The following CENPH variants were observed in gnomAD, a reference collection of about 807,000 sequenced individuals.
CENPH encodes CENP-H.
In CENPH, 40 loss-of-function variants were observed where a neutral mutation model predicts 42.9. The observed-to-expected ratio is 0.93, with a 90% CI of 0.72 to 1.21. The LOEUF is 1.21. Among genes scored for constraint, CENPH ranks in the 50% most tolerant of loss-of-function variants. CENPH has a pLI of 0.00. For synonymous variants in CENPH, 88 were observed against 96.5 expected, an observed-to-expected ratio of 0.91 and a Z score of 0.52; for missense variants, 302 against 292.9, an observed-to-expected ratio of 1.03 and a Z score of -0.23.
chr5:69,209,640 G>T (rs760817855), intron 8 of CENPH, 67 bp from the exon 9 acceptor site: 6 of 710,934 alleles, frequency 8.4e-6, no homozygotes, highest in Non-Finnish European at 1.2e-5. Flanking sequence ...CATGAAAAAT[G>T]ATATTCTAAA....
At chr5:69,202,738 A>T (rs906212328) in intron 6 of CENPH, among the ~76,000 whole-genome samples, 169 bp downstream of exon 6, 1 of 152,136 alleles carries the variant, frequency 6.6e-6, no homozygotes, top group South Asian at 2.1e-4. Context: ...TTTCTGACTA[A>T]TGTTGAACAT....
At chr5:69,205,286 G>A (rs1748133761) in intron 7 of CENPH, among the ~76,000 whole-genome samples, 1 of 151,978 alleles carries the variant, frequency 6.6e-6, no homozygotes, top group Non-Finnish European at 1.5e-5. Context: ...GGAGTGCAGT[G>A]GCGCGATCTT....
At chr5:69,203,370 T>C (rs529314663) in intron 7 of CENPH, among the ~76,000 whole-genome samples, 2 of 138,120 alleles carry the variant, frequency 1.4e-5, no homozygotes, top group African/African-American at 4.9e-5. Flanking sequence ...TTTTTTAATA[T>C]GGTATTTTTT....
intron 7 of CENPH, among the ~76,000 whole-genome samples, chr5:69,203,194 G>A (rs904726677): frequency 1.3e-5 from 2 of 152,128 alleles, no homozygotes; most frequent in African/African-American, 2.4e-5. Flanking sequence ...TTCTGAGACA[G>A]TCTTGCTCTA....
intron 5 of CENPH, among the ~76,000 whole-genome samples, chr5:69,201,683 A>T (rs1458379042): frequency 6.6e-6 from 1 of 152,044 alleles, no homozygotes; most frequent in Non-Finnish European, 1.5e-5. Context: ...ACATAGGGAG[A>T]CCCCGTCTCT....
intron 3 of CENPH, 96 bp downstream of exon 3, chr5:69,194,791 G>A: frequency 2.6e-6 from 2 of 754,852 alleles, no homozygotes; most frequent in South Asian, 3.8e-5. Flanking sequence ...CTATCATGCA[G>A]GCTAGAGTGC....
intron 2 of CENPH, among the ~76,000 whole-genome samples, chr5:69,193,236 G>A (rs1747908434): frequency 6.6e-6 from 1 of 151,544 alleles, no homozygotes; most frequent in Admixed American, 6.6e-5. Context: ...AGACTTTATT[G>A]GTTAAAGGAT....
At chr5:69,203,073 C>T in intron 7 of CENPH, 103 bp downstream of exon 7, 1 of 774,586 alleles carries the variant, frequency 1.3e-6, no homozygotes, top group South Asian at 1.7e-5. Flanking sequence ...TTTCCGACTT[C>T]CAAAATTCCT....
chr5:69,198,526 C>T (rs560751694), intron 5 of CENPH, among the ~76,000 whole-genome samples: 10 of 152,138 alleles, frequency 6.6e-5, no homozygotes, highest in Non-Finnish European at 1.5e-4. Flanking sequence ...GCACTTCTAT[C>T]TTGAGTATCT....
rs1411467963 is a variant in CENPH at position 69,210,001 on chromosome 5, T to TG, written c.*202_*203insG. ...TATATTTCTATATTTAGTTTGTTTTTTTGTTGTTGTTGTTTTTTGAGATGG... is the reference window on the plus strand; with the variant it reads ...TATATTTCTATATTTAGTTTGTTTTTGTTGTTGTTGTTGTTTTTTGAGATGG... On this transcript the variant is annotated 3_prime_UTR_variant, in exon 9 of 9. Coordinates refer to ENST00000283006, the MANE Select transcript of CENPH (RefSeq NM_022909.4). The TG allele has an allele frequency of 2.7e-6, 1 of 367,284 alleles. No homozygotes were observed. Among genetic ancestry groups the TG allele is most frequent in the East Asian group, 4.7e-5 (1 of 21,152 alleles). The allele number at this position is 367,284 out of a possible 1,614,324, so 22.8% of individuals were successfully genotyped here. A position where few individuals can be genotyped will look rare whatever the true frequency, so the allele number is the denominator to read the frequency against.
At chr5:69,209,383 C>G (rs1748211327) in intron 8 of CENPH, among the ~76,000 whole-genome samples, 1 of 151,646 alleles carries the variant, frequency 6.6e-6, no homozygotes, top group Non-Finnish European at 1.5e-5. Context: ...ACTAAAAATA[C>G]AAAAATTAGC....
chr5:69,205,043 T>C (rs1200487433), intron 7 of CENPH, among the ~76,000 whole-genome samples: 1 of 150,908 alleles, frequency 6.6e-6, no homozygotes, highest in African/African-American at 2.4e-5. Flanking sequence ...CTCAGCCTTC[T>C]GAGTAGCTGG....
At chr5:69,204,597 CTTTTTTTTTTT>C (rs530678541) in intron 7 of CENPH, among the ~76,000 whole-genome samples, 2 of 69,576 alleles carry the variant, frequency 2.9e-5, no homozygotes, top group Admixed American at 2.4e-4. Flanking sequence ...GCTTGTATTT[CTTTTTTTTTTT>C]TTTTTTTTTT....
chr5:69,202,494 T>G lies in CENPH; in HGVS notation c.372-12T>G, dbSNP rs1319680260. 1 of 1,464,894 alleles carries G rather than the reference T, an allele frequency of 6.8e-7. No individual in the cohort carries two copies. The highest frequency in any genetic ancestry group is 2.3e-5 in the East Asian group (1 of 43,124). 90.7% of individuals were successfully genotyped at this position (1,464,894 alleles called of 1,614,324 possible). A position where few individuals can be genotyped will look rare whatever the true frequency, so the allele number is the denominator to read the frequency against. On this transcript the variant is annotated splice_polypyrimidine_tract_variant and intron_variant, in intron 5 of 8. Coordinates refer to ENST00000283006, the MANE Select transcript of CENPH (RefSeq NM_022909.4). The stretch of plus-strand genomic sequence containing the variant: ...ATAACCTTAATAAATCATCTTTTTG[T>G]TTCCTTTTCAGTGTGCTCATGGATA...
Position 69,189,587 on chromosome 5 carries a change from T to C in CENPH, c.-48T>C, listed in dbSNP as rs762596946. The C allele has an allele frequency of 6.6e-7, 1 of 1,516,510 alleles. No individual in the cohort carries two copies. The highest frequency in any genetic ancestry group is 8.8e-7 in the Non-Finnish European group (1 of 1,134,832). The allele number at this position is 1,516,510 out of a possible 1,614,324, so 93.9% of individuals were successfully genotyped here. ...TTTAGTGGCGGGAAAAGCGACCTTTTCTGAGCGCGTTTGCCTGTTGAGTGG... is the reference window on the plus strand; with the variant it reads ...TTTAGTGGCGGGAAAAGCGACCTTTCCTGAGCGCGTTTGCCTGTTGAGTGG... On this transcript the variant is annotated 5_prime_UTR_variant, in exon 1 of 9. Transcript: ENST00000283006.
intron 7 of CENPH, among the ~76,000 whole-genome samples, chr5:69,203,257 C>T (rs1326310099): frequency 6.6e-6 from 1 of 152,196 alleles, no homozygotes; most frequent in Non-Finnish European, 1.5e-5. Context: ...ACCTCTGCCT[C>T]CCAAATTCAA....
rs1396805550 is a variant in CENPH at position 69,210,125 on chromosome 5, A to G, written c.*326A>G. 1.8e-5 allele frequency: 3 copies of G among 166,638 alleles called. No homozygotes were observed. Among genetic ancestry groups the G allele is most frequent in the Admixed American group, 6.4e-5 (1 of 15,510 alleles). The allele number at this position is 166,638 out of a possible 1,614,324, so 10.3% of individuals were successfully genotyped here. A position where few individuals can be genotyped will look rare whatever the true frequency, so the allele number is the denominator to read the frequency against. ...CAAGCAGTTCTGCCTCAGCCTCCCA[A>G]GTAGCTGTGACTAAAGGTGCACGCC... On this transcript the variant is annotated 3_prime_UTR_variant, in exon 9 of 9. Coordinates refer to ENST00000283006, the MANE Select transcript of CENPH (RefSeq NM_022909.4).
intron 6 of CENPH, 34 bp downstream of exon 6, chr5:69,202,603 C>T: frequency 8.5e-7 from 1 of 1,182,532 alleles, no homozygotes; most frequent in South Asian, 1.3e-5. Context: ...TATGCATTCT[C>T]ATGATTTTAC....
rs376726420 is a variant in CENPH, at chr5:69,195,766, G to C, written c.289G>C (p.Glu97Gln). 5 of 1,555,168 alleles carry C rather than the reference G, an allele frequency of 3.2e-6. No homozygotes were observed. In the African/African-American group the frequency reaches 5.5e-5, roughly 17 times the overall value. Residue 97 changes from glutamate to glutamine, a missense_variant, in exon 4 of 9, where the codon GAG becomes CAG. Physicochemically the swap from Glu to Gln is conservative, Grantham distance 29. Coordinates refer to ENST00000283006, the MANE Select transcript of CENPH (RefSeq NM_022909.4). ...AATTGAAGAGGTAAAAGTTGCTTTT[G>C]AGATAAAAAAGCTTGCATTAGACAG... ...NEIEEVKVAF[E>Q]IKKLALDRMR...
Sources: allele counts gnomAD v4.1 joint callset (sites outside exome capture counted in the v4.1 genomes callset), GRCh38; gene constraint gnomAD v4.1.1; transcripts MANE v1.5; gene names NCBI Gene and HGNC (gene_info 2026-07-23, HGNC 2026-07-21).